The following MAMDC2 variants were observed in gnomAD, a reference collection of about 807,000 sequenced individuals.
MAMDC2 encodes the protein MAM domain-containing protein 2.
MAMDC2 carries 57 observed loss-of-function variants against 89.8 expected under a neutral mutation model. The observed-to-expected ratio is 0.63, with a 90% CI of 0.51 to 0.79. The LOEUF is 0.79. MAMDC2 is among the 30% of genes least tolerant of loss of function. MAMDC2 has a pLI of 0.00. For missense variants in MAMDC2, 800 were observed against 820.6 expected, an observed-to-expected ratio of 0.97 and a Z score of 0.31; for synonymous variants, 313 against 293.4, an observed-to-expected ratio of 1.07 and a Z score of -0.68.
intron 11 of MAMDC2, among the ~76,000 whole-genome samples, chr9:70,189,477 T>C (rs2032832084): frequency 6.6e-6 from 1 of 152,160 alleles, no homozygotes; most frequent in South Asian, 2.1e-4. Context: ...GTCAGCTGAT[T>C]AGCAAAGAAA....
intron 11 of MAMDC2, among the ~76,000 whole-genome samples, chr9:70,207,722 A>T (rs2033256641): frequency 6.6e-6 from 1 of 152,178 alleles, no homozygotes; most frequent in Admixed American, 6.5e-5. Context: ...TATGTCCTGA[A>T]TGGTATTGCC....
intron 11 of MAMDC2, among the ~76,000 whole-genome samples, chr9:70,197,485 A>G (rs1437605506): frequency 6.6e-6 from 1 of 152,150 alleles, no homozygotes; most frequent in Non-Finnish European, 1.5e-5. Context: ...AGGAAGAGAA[A>G]GATGAAGAAA....
chr9:70,175,298 A>G (rs371099813), intron 11 of MAMDC2, among the ~76,000 whole-genome samples: 10 of 152,180 alleles, frequency 6.6e-5, no homozygotes, highest in African/African-American at 1.7e-4. Flanking sequence ...ACTGTGTATT[A>G]GCAATGAGGG....
intron 9 of MAMDC2, among the ~76,000 whole-genome samples, chr9:70,160,730 T>C (rs751796883): frequency 6.6e-6 from 1 of 152,030 alleles, no homozygotes; most frequent in Non-Finnish European, 1.5e-5. Flanking sequence ...AGAGCTGCTG[T>C]GGAAAGGAGG....
At chr9:70,153,780 A>C (rs1189689888) in intron 9 of MAMDC2, 1 of 152,116 alleles carries the variant, frequency 6.6e-6, no homozygotes, top group Non-Finnish European at 1.5e-5. Flanking sequence ...CCCCCATCCA[A>C]CCAGTTTTTA....
intron 5 of MAMDC2, among the ~76,000 whole-genome samples, chr9:70,123,945 T>G (rs1246481877): frequency 6.6e-6 from 1 of 152,182 alleles, no homozygotes; most frequent in East Asian, 1.9e-4. Flanking sequence ...GCAATACATG[T>G]GTGTTGCTGA....
chr9:70,112,973 T>C, intron 4 of MAMDC2, 22 bp from the exon 5 acceptor site: 1 of 1,613,848 alleles, frequency 6.2e-7, no homozygotes, highest in Non-Finnish European at 8.5e-7. Context: ...CTCCATGAAG[T>C]GTTTTTGTTT....
At chr9:70,077,167 G>C (rs943554513) in intron 2 of MAMDC2, among the ~76,000 whole-genome samples, 2 of 152,140 alleles carry the variant, frequency 1.3e-5, no homozygotes, top group African/African-American at 4.8e-5. Flanking sequence ...AGAATGTGGC[G>C]AGGGCTTGAG....
rs1340517290 is a variant in MAMDC2, at chr9:70,226,525, AGTC to A, written c.*494_*496del. The A allele has an allele frequency of 1.3e-5, 2 of 152,572 alleles. No individual in the cohort carries two copies. The highest frequency in any genetic ancestry group is 2.9e-5 in the Non-Finnish European group (2 of 67,980). The allele number at this position is 152,572 out of a possible 1,614,324, so 9.5% of individuals were successfully genotyped here. A position where few individuals can be genotyped will look rare whatever the true frequency, so the allele number is the denominator to read the frequency against. On this transcript the variant is annotated 3_prime_UTR_variant, in exon 14 of 14. Transcript: ENST00000377182. ...CTAATGAGTTAGTCTGGAAAAATAA[AGTC>A]TTATTTTCTATGTTTTATTCATAGA...
chr9:70,098,602 T>C (rs189208007), intron 2 of MAMDC2, among the ~76,000 whole-genome samples: 315 of 152,298 alleles, frequency 2.1e-3, no homozygotes, highest in African/African-American at 6.8e-3. Context: ...AAAGTCCATA[T>C]AGATTTATCC....
At chr9:70,158,675 C>T (rs571642838) in intron 9 of MAMDC2, among the ~76,000 whole-genome samples, 2 of 151,948 alleles carry the variant, frequency 1.3e-5, no homozygotes, top group South Asian at 2.1e-4. Flanking sequence ...TCATGTATCA[C>T]TTAATGATAA....
At chr9:70,191,005 A>C (rs552098252) in intron 11 of MAMDC2, among the ~76,000 whole-genome samples, 1 of 152,228 alleles carries the variant, frequency 6.6e-6, no homozygotes, top group South Asian at 2.1e-4. Context: ...CTTGGCTTTC[A>C]CATCTTTTGT....
At chr9:70,052,284 G>A (rs988564002) in intron 2 of MAMDC2, among the ~76,000 whole-genome samples, 10 of 152,152 alleles carry the variant, frequency 6.6e-5, no homozygotes, top group Non-Finnish European at 8.8e-5. Flanking sequence ...GGCATTCAAG[G>A]CCCTTCACAG....
intron 11 of MAMDC2, among the ~76,000 whole-genome samples, chr9:70,207,995 C>CTGTT (rs1350219282): frequency 6.6e-6 from 1 of 152,158 alleles, no homozygotes; most frequent in Admixed American, 6.5e-5. Flanking sequence ...GTCTATATCT[C>CTGTT]TGTTTTGGTA....
chr9:70,141,443 T>A (rs2031217954), intron 8 of MAMDC2, among the ~76,000 whole-genome samples: 2 of 152,130 alleles, frequency 1.3e-5, no homozygotes. Context: ...TGGCAGACAA[T>A]CTTTTCAAAG....
At chr9:70,078,820 G>T (rs1273741399) in intron 2 of MAMDC2, among the ~76,000 whole-genome samples, 1 of 151,916 alleles carries the variant, frequency 6.6e-6, no homozygotes, top group Non-Finnish European at 1.5e-5. Context: ...AGAAACAATG[G>T]GTAGCCAAGC....
At chr9:70,219,539 C>G (rs1390726717) in intron 12 of MAMDC2, among the ~76,000 whole-genome samples, 1 of 152,192 alleles carries the variant, frequency 6.6e-6, no homozygotes. Context: ...TTTGCACCAA[C>G]CTATGACCAA....
In MAMDC2 at chr9:70,113,136, A is replaced by G. The variant is rs1372454872; in HGVS notation, c.643+4A>G. 1.9e-6 allele frequency: 3 copies of G among 1,613,774 alleles called. No individual in the cohort carries two copies. Among genetic ancestry groups the G allele is most frequent in the Non-Finnish European group, 1.7e-6 (2 of 1,179,936 alleles). On this transcript the variant is annotated splice_donor_region_variant and intron_variant, in intron 5 of 13. Transcript: ENST00000377182. ...CACACCTTCAAGAGTGAACTGGGTG[A>G]GCTGGGATCAAATAGAGTCCTTTTC...
At chr9:70,121,671 T>C (rs1214192313) in intron 5 of MAMDC2, among the ~76,000 whole-genome samples, 1 of 150,894 alleles carries the variant, frequency 6.6e-6, no homozygotes, top group East Asian at 1.9e-4. Flanking sequence ...TTAAAGTCCA[T>C]CTATACCTAG....
Sources: allele counts gnomAD v4.1 joint callset (sites outside exome capture counted in the v4.1 genomes callset), GRCh38; gene constraint gnomAD v4.1.1; transcripts MANE v1.5; gene names NCBI Gene and HGNC (gene_info 2026-07-23, HGNC 2026-07-21).